The following TNFRSF10D variants were observed in gnomAD, a reference collection of about 807,000 sequenced individuals.
TNFRSF10D encodes the protein TNF receptor superfamily member 10d, also known as tumor necrosis factor receptor superfamily member 10D.
TNFRSF10D carries 28 observed loss-of-function variants against 42.1 expected under a neutral mutation model. That is an observed-to-expected ratio of 0.66 (90% CI 0.49 to 0.91). TNFRSF10D has a LOEUF of 0.91. Ranked by LOEUF, TNFRSF10D falls within the 40% of genes least tolerant of loss-of-function variation. The pLI is 0.00. For synonymous variants in TNFRSF10D, 186 were observed against 189.4 expected, an observed-to-expected ratio of 0.98 and a Z score of 0.15; for missense variants, 503 against 486.1, an observed-to-expected ratio of 1.03 and a Z score of -0.33.
At chr8:23,150,126 G>A (rs1389629972) in intron 2 of TNFRSF10D, among the ~76,000 whole-genome samples, 1 of 152,174 alleles carries the variant, frequency 6.6e-6, no homozygotes, top group Non-Finnish European at 1.5e-5. Flanking sequence ...ACAGACCCAG[G>A]ATCCTGACCC....
intron 6 of TNFRSF10D, 35 bp downstream of exon 6, chr8:23,145,023 C>T: frequency 6.2e-7 from 1 of 1,614,062 alleles, no homozygotes; most frequent in Non-Finnish European, 8.5e-7. Context: ...TTCCTGAACC[C>T]ACGAAGCCCC....
chr8:23,149,466 T>C (rs1300586394), intron 2 of TNFRSF10D, among the ~76,000 whole-genome samples: 1 of 151,324 alleles, frequency 6.6e-6, no homozygotes, highest in Non-Finnish European at 1.5e-5. Context: ...CTCCAACTCC[T>C]GACCTCAGGT....
chr8:23,141,086 A>G (rs184668173), intron 7 of TNFRSF10D, among the ~76,000 whole-genome samples: 92 of 152,328 alleles, frequency 6.0e-4, no homozygotes, highest in African/African-American at 2.2e-3. Flanking sequence ...GAAAACCTAG[A>G]AAACACCCCT....
Position 23,163,905 on chromosome 8 carries a change from C to T in TNFRSF10D, c.31G>A (p.Ala11Thr), listed in dbSNP as rs945801484. Residue 11 changes from alanine (A) to threonine (T), a missense_variant, in exon 1 of 9, where the codon GCC (alanine) becomes ACC (threonine). Transcript: ENST00000312584. MGLWGQSVPTASSARAGRYPG... is the reference protein window; with the variant it reads MGLWGQSVPTTSSARAGRYPG... ...TAGCGCCCTGCTCGAGCGCTCGAGG[C>T]GGTCGGGACGCTTTGTCCCCAAAGT... 1.3e-6 allele frequency: 2 copies of T among 1,585,150 alleles called. No homozygotes were observed. Among genetic ancestry groups the T allele is most frequent in the East Asian group, 2.4e-5 (1 of 42,048 alleles).
intron 2 of TNFRSF10D, among the ~76,000 whole-genome samples, chr8:23,153,340 C>A (rs572663300): frequency 6.6e-6 from 1 of 152,234 alleles, no homozygotes; most frequent in East Asian, 1.9e-4. Context: ...ACCCCAAAAG[C>A]ACAGGCAACA....
rs1220985120 is a variant in TNFRSF10D, at chr8:23,145,040, C to T, written c.768+18G>A. The T allele has an allele frequency of 6.2e-7, 1 of 1,614,160 alleles. No individual in the cohort carries two copies. The highest frequency in any genetic ancestry group is 2.2e-5 in the East Asian group (1 of 44,880). ...CCTGAACCCACGAAGCCCCCAGTTT[C>T]TGGAGAAACCAACTCACTCTGTGCA... On this transcript the variant is annotated intron_variant, in intron 6 of 8. Coordinates refer to ENST00000312584, the MANE Select transcript of TNFRSF10D (RefSeq NM_003840.5).
intron 1 of TNFRSF10D, among the ~76,000 whole-genome samples, chr8:23,162,348 T>C (rs2128840491): frequency 6.6e-6 from 1 of 152,364 alleles, no homozygotes; most frequent in Non-Finnish European, 1.5e-5. Context: ...GCCATTCTTC[T>C]AGCTGCCTCA....
intron 2 of TNFRSF10D, among the ~76,000 whole-genome samples, chr8:23,153,306 G>C (rs192543257): frequency 4.6e-3 from 705 of 151,800 alleles, no homozygotes; most frequent in African/African-American, 0.014. Flanking sequence ...TGACGTTGGT[G>C]TGGGCATTGA....
At chr8:23,144,662 G>A (rs771909171) in intron 6 of TNFRSF10D, 27 bp from the exon 7 acceptor site, 28 of 1,604,334 alleles carry the variant, frequency 1.7e-5, no homozygotes, top group Non-Finnish European at 2.3e-5. Flanking sequence ...GCCCACTCAA[G>A]TCCACACCCC....
intron 7 of TNFRSF10D, among the ~76,000 whole-genome samples, chr8:23,140,694 T>C (rs1814449175): frequency 6.6e-6 from 1 of 152,282 alleles, no homozygotes; most frequent in East Asian, 1.9e-4. Context: ...TCTGTTCTTG[T>C]GATAGTGAAT....
chr8:23,163,679 C>A, intron 1 of TNFRSF10D, 107 bp downstream of exon 1: 1 of 1,498,020 alleles, frequency 6.7e-7, no homozygotes, highest in Non-Finnish European at 9.0e-7. Context: ...ACATGCCCGG[C>A]CGCAGGCGAC....
At chr8:23,148,306 TA>T in intron 3 of TNFRSF10D, 131 bp downstream of exon 3, 1 of 439,078 alleles carries the variant, frequency 2.3e-6, no homozygotes, top group Non-Finnish European at 4.2e-6. Flanking sequence ...CAACTAGTCA[TA>T]ATCATGGAAC....
rs779320362 is a variant in TNFRSF10D, at chr8:23,147,100, ATG to A, written c.371-30_371-29del. 1.4e-4 allele frequency: 218 copies of A among 1,594,124 alleles called. 3 individuals carry two copies. The Admixed American group carries it at 3.2e-3, about 23-fold the overall frequency. On this transcript the variant is annotated intron_variant, in intron 3 of 8. Transcript: ENST00000312584. ...GACAACAGAGCATAAGGTTTTGAGA[ATG>A]TGTTTCCCTGACATGTCTGTCCACC...
chr8:23,146,590 A>G (rs1476304624), intron 4 of TNFRSF10D, among the ~76,000 whole-genome samples: 937 of 151,904 alleles, frequency 6.2e-3, no homozygotes, highest in African/African-American at 0.019. Context: ...AAACCAACTT[A>G]GAGTAAGGAA....
chr8:23,142,631 A>T (rs1466860182), intron 7 of TNFRSF10D, among the ~76,000 whole-genome samples: 3 of 152,158 alleles, frequency 2.0e-5, no homozygotes, highest in Non-Finnish European at 2.9e-5. Flanking sequence ...AGGGGTGAAA[A>T]ACTAACTGTT....
chr8:23,161,598 C>G lies in TNFRSF10D; in HGVS notation c.150+2188G>C, dbSNP rs117371404. On this transcript the variant is annotated intron_variant, in intron 1 of 8. Coordinates refer to ENST00000312584, the MANE Select transcript of TNFRSF10D (RefSeq NM_003840.5). ...CTTCCCTGCCACCCTCCCCTGCTGT[C>G]TCATCTGGATCCCCCGGTCATCTAC... Among the ~76,000 whole-genome samples the G allele has an allele frequency of 8.1e-3, 1,227 of 152,238 alleles. 4 individuals carry two copies. Among genetic ancestry groups the G allele is most frequent in the East Asian group, 0.021 (109 of 5,190 alleles).
Position 23,149,383 on chromosome 8 carries a change from A to G in TNFRSF10D, c.257-832T>C, listed in dbSNP as rs1163326750. On this transcript the variant is annotated intron_variant, in intron 2 of 8. Coordinates refer to ENST00000312584, the MANE Select transcript of TNFRSF10D (RefSeq NM_003840.5). ...CTCCTGAGTAGCTGGGATTACAGGC[A>G]CCCACCACCACGCCCAGCTAATTTT... Among the ~76,000 whole-genome samples the G allele has an allele frequency of 2.6e-5, 4 of 150,972 alleles. 1 individual carries two copies. The highest frequency in any genetic ancestry group is 5.9e-5 in the Non-Finnish European group (4 of 67,706).
chr8:23,162,849 C>T (rs1385045580), intron 1 of TNFRSF10D, among the ~76,000 whole-genome samples: 1 of 152,212 alleles, frequency 6.6e-6, no homozygotes, highest in Admixed American at 6.5e-5. Flanking sequence ...AAAGCTTTTT[C>T]ACAGGCTGTT....
chr8:23,142,556 C>T lies in TNFRSF10D; in HGVS notation c.954+1894G>A, dbSNP rs117519027. Among the ~76,000 whole-genome samples, 657 of 152,230 alleles carry T rather than the reference C, an allele frequency of 4.3e-3. 3 individuals carry two copies. The highest frequency in any genetic ancestry group is 0.01 in the Middle Eastern group (3 of 294). On this transcript the variant is annotated intron_variant, in intron 7 of 8. Coordinates refer to ENST00000312584, the MANE Select transcript of TNFRSF10D (RefSeq NM_003840.5). ...GTAGTAGCTAAACATCAGGTACTTA[C>T]GACCATAAAGATGGCAACAATAGAC...
Sources: allele counts gnomAD v4.1 joint callset (sites outside exome capture counted in the v4.1 genomes callset), GRCh38; gene constraint gnomAD v4.1.1; transcripts MANE v1.5; gene names NCBI Gene and HGNC (gene_info 2026-07-23, HGNC 2026-07-21).